ZMAT4: variants seen among roughly 807,000 people sequenced by gnomAD.
ZMAT4 encodes zinc finger matrin-type 4.
In ZMAT4, 17 loss-of-function variants were observed where a neutral mutation model predicts 28.7. The observed-to-expected ratio is 0.59, with a 90% confidence interval of 0.41 to 0.89. The LOEUF is 0.89. ZMAT4 is among the 40% of genes least tolerant of loss of function. ZMAT4 has a pLI of 0.00. For synonymous variants in ZMAT4, 117 were observed against 109.2 expected (o/e 1.07, Z -0.44); for missense variants, 240 against 283.8 (o/e 0.85, Z 1.11).
intron 2 of ZMAT4, among the ~76,000 whole-genome samples, chr8:40,812,230 T>C (rs1815348793): frequency 6.6e-6 from 1 of 151,492 alleles, no homozygotes; most frequent in Non-Finnish European, 1.5e-5. Context: ...GGAGTGACTT[T>C]GAAGTGGAGA....
chr8:40,830,502 G>T (rs750568544), intron 1 of ZMAT4, among the ~76,000 whole-genome samples: 1 of 152,040 alleles, frequency 6.6e-6, no homozygotes, highest in Admixed American at 6.5e-5. Context: ...TGCTGCAAAG[G>T]ACACTATTTC....
chr8:40,624,875 C>T (rs1347809044), intron 5 of ZMAT4, among the ~76,000 whole-genome samples: 3 of 152,174 alleles, frequency 2.0e-5, no homozygotes, highest in African/African-American at 7.2e-5. Context: ...AGACAATGGA[C>T]AGAGTTCATG....
At chr8:40,754,191 G>C (rs1812576392) in intron 3 of ZMAT4, among the ~76,000 whole-genome samples, 3 of 151,788 alleles carry the variant, frequency 2.0e-5, no homozygotes, top group African/African-American at 7.3e-5. Flanking sequence ...AAGAAAAAAG[G>C]TTTAACAAAT....
chr8:40,820,099 T>G (rs1160295131), intron 2 of ZMAT4, among the ~76,000 whole-genome samples: 1 of 151,684 alleles, frequency 6.6e-6, no homozygotes, highest in Non-Finnish European at 1.5e-5. Context: ...CTTAAAATCA[T>G]AGTTTACAAA....
At chr8:40,671,541 G>A (rs1010184594) in intron 5 of ZMAT4, among the ~76,000 whole-genome samples, 1 of 152,158 alleles carries the variant, frequency 6.6e-6, no homozygotes, top group African/African-American at 2.4e-5. Context: ...TAAACAATGT[G>A]TGATCCACAA....
At chr8:40,557,911 T>A (rs1803600127) in intron 6 of ZMAT4, among the ~76,000 whole-genome samples, 1 of 152,114 alleles carries the variant, frequency 6.6e-6, no homozygotes, top group African/African-American at 2.4e-5. Flanking sequence ...AAGATGGGAA[T>A]ATAATGGGGG....
At chr8:40,575,449 C>G (rs1804233170) in intron 6 of ZMAT4, among the ~76,000 whole-genome samples, 1 of 152,000 alleles carries the variant, frequency 6.6e-6, no homozygotes, top group South Asian at 2.1e-4. Flanking sequence ...GGCCATGTCC[C>G]CAGACTGAGA....
intron 1 of ZMAT4, among the ~76,000 whole-genome samples, chr8:40,888,061 A>G (rs935358156): frequency 6.6e-6 from 1 of 151,964 alleles, no homozygotes; most frequent in Admixed American, 6.6e-5. Flanking sequence ...CACCCTCAGC[A>G]CTATCCACTT....
chr8:40,769,933 G>A (rs1813320290), intron 2 of ZMAT4, among the ~76,000 whole-genome samples: 1 of 152,092 alleles, frequency 6.6e-6, no homozygotes, highest in African/African-American at 2.4e-5. Context: ...TAAATGCCAA[G>A]CTCTGATATG....
intron 1 of ZMAT4, among the ~76,000 whole-genome samples, chr8:40,832,374 C>T (rs1193896768): frequency 6.6e-6 from 1 of 152,156 alleles, no homozygotes; most frequent in African/African-American, 2.4e-5. Context: ...GCCTGCACAA[C>T]CACAATTCTG....
At chr8:40,675,403 G>C (rs143914626) in intron 4 of ZMAT4, among the ~76,000 whole-genome samples, 11 of 152,124 alleles carry the variant, frequency 7.2e-5, no homozygotes, top group African/African-American at 2.4e-4. Flanking sequence ...AGCTCAATGA[G>C]CCAGGTAAAA....
intron 1 of ZMAT4, among the ~76,000 whole-genome samples, chr8:40,879,595 C>A (rs760932109): frequency 6.6e-6 from 1 of 152,098 alleles, no homozygotes; most frequent in Non-Finnish European, 1.5e-5. Context: ...AAAAGGGGAA[C>A]GACTCAGAGG....
At chr8:40,849,739 T>C (rs1817034805) in intron 1 of ZMAT4, among the ~76,000 whole-genome samples, 1 of 152,224 alleles carries the variant, frequency 6.6e-6, no homozygotes, top group Non-Finnish European at 1.5e-5. Context: ...GTCTCATTCA[T>C]GAGGATCTCC....
At chr8:40,692,384 T>C (rs1190594242) in intron 4 of ZMAT4, among the ~76,000 whole-genome samples, 2 of 152,230 alleles carry the variant, frequency 1.3e-5, no homozygotes, top group Non-Finnish European at 2.9e-5. Context: ...TTACTGTGAA[T>C]GATAGATGTG....
chr8:40,770,930 C>T (rs1435272440), intron 2 of ZMAT4, among the ~76,000 whole-genome samples: 1 of 152,126 alleles, frequency 6.6e-6, no homozygotes, highest in African/African-American at 2.4e-5. Context: ...AGATTTGGCA[C>T]AGTAATCTCA....
intron 5 of ZMAT4, among the ~76,000 whole-genome samples, chr8:40,589,892 T>C (rs1414861480): frequency 7.2e-6 from 1 of 139,662 alleles, no homozygotes; most frequent in Non-Finnish European, 1.6e-5. Context: ...TCCCCTTCCC[T>C]TCCCTTCTCT....
At chr8:40,658,735 C>T (rs1808051857) in intron 5 of ZMAT4, among the ~76,000 whole-genome samples, 1 of 151,918 alleles carries the variant, frequency 6.6e-6, no homozygotes, top group Non-Finnish European at 1.5e-5. Flanking sequence ...TTCCCCAGAG[C>T]TCTCTCCTTT....
intron 1 of ZMAT4, among the ~76,000 whole-genome samples, chr8:40,856,896 G>T (rs75846477): frequency 1.3e-5 from 2 of 152,160 alleles, no homozygotes; most frequent in Non-Finnish European, 2.9e-5. Flanking sequence ...CACTGGAAAG[G>T]GATTGCAAAT....
At chr8:40,542,845 T>C (rs187250426) in intron 6 of ZMAT4, among the ~76,000 whole-genome samples, 1 of 152,346 alleles carries the variant, frequency 6.6e-6, no homozygotes, top group African/African-American at 2.4e-5. Context: ...ATTGGAAATG[T>C]CACTTCATCT....
Sources: gnomAD v4.1 joint callset for allele counts (sites outside exome capture counted in the v4.1 genomes callset) on GRCh38, gnomAD v4.1.1 for gene constraint, MANE v1.5 for transcripts, NCBI Gene and HGNC (gene_info 2026-07-23, HGNC 2026-07-21) for gene names.